FRMD6: variants seen among roughly 807,000 people sequenced by gnomAD.
FRMD6 encodes the protein FERM domain-containing protein 6.
Under a neutral mutation model 73.2 loss-of-function variants are expected in FRMD6, and 37 were observed. The ratio of observed to expected loss-of-function variants is 0.51; its 90% CI spans 0.39 to 0.66. The LOEUF is 0.66. Ranked by LOEUF, FRMD6 falls within the 30% of genes least tolerant of loss-of-function variation. The pLI, the probability that FRMD6 is intolerant of heterozygous loss-of-function variation, is 0.00. For synonymous variants in FRMD6, 273 were observed against 282.2 expected, an observed-to-expected ratio of 0.97 and a Z score of 0.33; for missense variants, 714 against 780.5, an observed-to-expected ratio of 0.91 and a Z score of 1.02.
the FRMD6 span, among the ~76,000 whole-genome samples, chr14:51,429,393 CA>C: frequency 6.6e-6 from 1 of 150,668 alleles, no homozygotes; most frequent in African/African-American, 2.5e-5. Flanking sequence ...CCCAGCCGTT[CA>C]AAAACAGTTT....
rs1232160991 is a variant in FRMD6 at position 51,698,144 on chromosome 14, T to G, written c.102T>G (p.Val34=). ...NDESLNIIIN[V]KILCHQLLVQ... Reference sequence around the variant, plus strand: ...CGTCGTGCCTTTTTCCCCTACAGGTTAAGATTCTGTGTCACCAGTTGCTGG... The same window carrying G: ...CGTCGTGCCTTTTTCCCCTACAGGTGAAGATTCTGTGTCACCAGTTGCTGG... The change falls in exon 3 of 14, where the codon GTT becomes GTG. Residue 34 remains valine (V), a splice_region_variant and synonymous_variant. Coordinates refer to ENST00000344768, the MANE Select transcript of FRMD6 (RefSeq NM_001267046.2). 6.2e-7 allele frequency: 1 copy of G among 1,611,238 alleles called. No homozygotes were observed.
chr14:51,611,523 C>T (rs532006058), intron 2 of FRMD6, among the ~76,000 whole-genome samples: 19 of 152,266 alleles, frequency 1.2e-4, no homozygotes, highest in South Asian at 4.1e-4. Flanking sequence ...TCCTAAAGTA[C>T]GGTCAAGATT....
At chr14:51,708,276 A>G (rs751491001) in intron 7 of FRMD6, 43 bp downstream of exon 7, 1 of 1,564,786 alleles carries the variant, frequency 6.4e-7, no homozygotes, top group Non-Finnish European at 8.8e-7. Context: ...AGAAAAAAAC[A>G]TCTTCTCAAT....
chr14:51,684,973 G>T (rs2140326708), intron 1 of FRMD6, among the ~76,000 whole-genome samples: 1 of 152,194 alleles, frequency 6.6e-6, no homozygotes, highest in South Asian at 2.1e-4. Context: ...TCCACACAAG[G>T]AAAAACTTCT....
chr14:51,484,951 G>A (rs1882734508), upstream of FRMD6, among the ~76,000 whole-genome samples: 1 of 152,226 alleles, frequency 6.6e-6, no homozygotes, highest in African/African-American at 2.4e-5. Flanking sequence ...GTAGCTTCTT[G>A]GGTGAGGAGC....
Position 51,727,083 on chromosome 14 carries a change from G to A in FRMD6, c.1585-662G>A, listed in dbSNP as rs533041702. Among the ~76,000 whole-genome samples the A allele has an allele frequency of 9.9e-5, 15 of 151,186 alleles. No homozygotes were observed. The East Asian group carries it at 2.3e-3, about 24-fold the overall frequency. On this transcript the variant is annotated intron_variant, in intron 13 of 13. Transcript: ENST00000344768. The stretch of plus-strand genomic sequence containing the variant: ...CATTTGGCGGAACCCCCCCACCCCC[G>A]ACTCGTGTTCGGGAACTTAGTCCTG...
the FRMD6 span, among the ~76,000 whole-genome samples, chr14:51,414,860 C>G: frequency 6.6e-6 from 1 of 152,102 alleles, no homozygotes; most frequent in African/African-American, 2.4e-5. Flanking sequence ...TTGAAGAGAT[C>G]CTTCACATCC....
chr14:51,637,308 AAAGG>A (rs1176855691), intron 2 of FRMD6: 1 of 152,138 alleles, frequency 6.6e-6, no homozygotes, highest in African/African-American at 2.4e-5. Context: ...CTACCTAAGG[AAAGG>A]AAGAAACATT....
At chr14:51,459,300 T>TCCA in the FRMD6 span, among the ~76,000 whole-genome samples, 1 of 152,216 alleles carries the variant, frequency 6.6e-6, no homozygotes, top group African/African-American at 2.4e-5. Flanking sequence ...GGCCCTGGAA[T>TCCA]CCAATTCACA....
rs370744324 is a variant in FRMD6, at chr14:51,551,836, ATATAAG to A, written c.-209-18507_-209-18502del. On this transcript the variant is annotated intron_variant, in intron 1 of 14. Coordinates refer to the FRMD6 transcript ENST00000356218. Reference sequence around the variant, plus strand: ...AATATAAAATGCATTAACATCTATTATATAAGTATATGTTAAAATATTTTTAGTATA... The same window carrying A: ...AATATAAAATGCATTAACATCTATTATATATGTTAAAATATTTTTAGTATA... 2.0e-3 allele frequency among the ~76,000 whole-genome samples: 299 copies of A among 152,108 alleles called. 3 individuals are homozygous for A. In the Middle Eastern group the frequency reaches 0.024, roughly 12 times the overall value.
intron 1 of FRMD6, among the ~76,000 whole-genome samples, chr14:51,508,030 AC>A (rs2140242145): frequency 6.6e-6 from 1 of 152,112 alleles, no homozygotes; most frequent in East Asian, 1.9e-4. Flanking sequence ...TCCCCCTGCT[AC>A]TGAGCGTGCC....
rs547265578 is a variant in FRMD6 at position 51,553,344 on chromosome 14, T to C, written c.-209-17004T>C. On this transcript the variant is annotated intron_variant, in intron 1 of 14. Coordinates refer to the FRMD6 transcript ENST00000356218. The stretch of plus-strand genomic sequence containing the variant: ...GGGAACATAGCTTTAATCAGACAGG[T>C]TCCCAGATCAGAGTACATCAAAACA... Among the ~76,000 whole-genome samples the C allele has an allele frequency of 2.6e-5, 4 of 152,314 alleles. No individual in the cohort carries two copies. The South Asian group carries it at 8.3e-4, about 32-fold the overall frequency.
At chr14:51,426,196 T>C in the FRMD6 span, among the ~76,000 whole-genome samples, 3 of 152,176 alleles carry the variant, frequency 2.0e-5, no homozygotes, top group Non-Finnish European at 4.4e-5. Flanking sequence ...GTCATAATCG[T>C]TAGTTATATT....
chr14:51,399,283 A>T, the FRMD6 span, among the ~76,000 whole-genome samples: 3 of 152,270 alleles, frequency 2.0e-5, no homozygotes, highest in Admixed American at 2.0e-4. Context: ...CTGCCAGGCT[A>T]CTGCATTAAG....
rs1889036732 is a variant in FRMD6, at chr14:51,586,116, G to T, written c.-147+15706G>T. Among the ~76,000 whole-genome samples the T allele has an allele frequency of 4.6e-5, 7 of 151,240 alleles. No individual in the cohort carries two copies. In the South Asian group the frequency reaches 1.5e-3, roughly 32 times the overall value. On this transcript the variant is annotated intron_variant, in intron 2 of 14. Transcript: ENST00000356218. ...TATACACCCAGTCATGGGATTGCTG[G>T]TTTAAACGATAGGTCTGTTCTAAGT...
At chr14:51,579,299 A>G (rs1888579819) in intron 2 of FRMD6, 1 of 152,162 alleles carries the variant, frequency 6.6e-6, no homozygotes, top group African/African-American at 2.4e-5. Context: ...CAAATTCCTT[A>G]ACCTTTGATC....
At chr14:51,581,092 T>C (rs1234391959) in intron 2 of FRMD6, among the ~76,000 whole-genome samples, 3 of 152,222 alleles carry the variant, frequency 2.0e-5, no homozygotes, top group African/African-American at 7.2e-5. Context: ...TAAACCAATG[T>C]GGCCCCAGAG....
intron 2 of FRMD6, among the ~76,000 whole-genome samples, chr14:51,632,213 C>T (rs1891364333): frequency 6.6e-6 from 1 of 152,178 alleles, no homozygotes; most frequent in African/African-American, 2.4e-5. Context: ...TTCCTGAGGC[C>T]TCCCCAGCCA....
chr14:51,412,707 C>A, the FRMD6 span, among the ~76,000 whole-genome samples: 1 of 151,862 alleles, frequency 6.6e-6, no homozygotes, highest in East Asian at 2.0e-4. Context: ...AAAAAATTAG[C>A]CGGGTGTGGT....
Sources: allele counts gnomAD v4.1 joint callset (sites outside exome capture counted in the v4.1 genomes callset), GRCh38; gene constraint gnomAD v4.1.1; transcripts MANE v1.5; gene names NCBI Gene and HGNC (gene_info 2026-07-23, HGNC 2026-07-21).